Variants in NBEA observed in about 807,000 individuals in gnomAD.
NBEA encodes neurobeachin.
Under a neutral mutation model 343.4 loss-of-function variants are expected in NBEA, and 44 were observed. The observed-to-expected ratio is 0.13, with a 90% confidence interval of 0.10 to 0.16. NBEA has a LOEUF of 0.16. Among genes scored for constraint, NBEA ranks in the 10% least tolerant of loss-of-function variants. The pLI is 1.00. For synonymous variants in NBEA, 1,175 were observed against 1,238.7 expected (o/e 0.95, Z 1.08); for missense variants, 2,555 against 3,631.3 (o/e 0.70, Z 7.62).
intron 1 of NBEA, among the ~76,000 whole-genome samples, chr13:34,995,333 T>G (rs2060901710): frequency 1.3e-5 from 2 of 151,710 alleles, no homozygotes; most frequent in African/African-American, 4.8e-5. Flanking sequence ...GGCATGCACC[T>G]GTAGTCCCAG....
At chr13:34,972,829 T>C (rs958498808) in intron 1 of NBEA, among the ~76,000 whole-genome samples, 2 of 152,172 alleles carry the variant, frequency 1.3e-5, no homozygotes, top group Admixed American at 6.5e-5. Context: ...TGAATTCTAC[T>C]TCTGCCCTTT....
At chr13:35,282,067 C>T (rs1428770656) in intron 34 of NBEA, among the ~76,000 whole-genome samples, 1 of 151,532 alleles carries the variant, frequency 6.6e-6, no homozygotes, top group Non-Finnish European at 1.5e-5. Context: ...CGCCTGCTAC[C>T]ACGCCCGGCT....
At chr13:35,301,980 G>T (rs1204662087) in intron 35 of NBEA, among the ~76,000 whole-genome samples, 1 of 152,052 alleles carries the variant, frequency 6.6e-6, no homozygotes, top group African/African-American at 2.4e-5. Context: ...TCTAGTTTTA[G>T]TGCTGTCTGT....
chr13:35,585,057 A>G (rs1027024614), intron 46 of NBEA, among the ~76,000 whole-genome samples: 1 of 145,794 alleles, frequency 6.9e-6, no homozygotes, highest in Non-Finnish European at 1.5e-5. Context: ...CCAGTTTCCA[A>G]ATGTTTTGAA....
intron 34 of NBEA, among the ~76,000 whole-genome samples, chr13:35,257,393 T>C (rs941861158): frequency 2.6e-5 from 4 of 152,228 alleles, no homozygotes; most frequent in African/African-American, 9.6e-5. Context: ...TTAATTTCTG[T>C]ACTACTCCTG....
intron 33 of NBEA, among the ~76,000 whole-genome samples, chr13:35,223,214 C>G (rs555841861): frequency 6.6e-6 from 1 of 152,006 alleles, no homozygotes. Context: ...AAAATAAATG[C>G]ATTTTATAGA....
At chr13:35,408,814 G>T (rs1168072329) in intron 38 of NBEA, among the ~76,000 whole-genome samples, 2 of 152,092 alleles carry the variant, frequency 1.3e-5, no homozygotes, top group African/African-American at 4.8e-5. Flanking sequence ...TCTCACACCC[G>T]TCAGAATATG....
At chr13:34,992,412 G>C (rs1467805605) in intron 1 of NBEA, among the ~76,000 whole-genome samples, 2 of 149,606 alleles carry the variant, frequency 1.3e-5, no homozygotes, top group African/African-American at 4.9e-5. Context: ...ATGCCACCAT[G>C]CCTGGCTACT....
chr13:35,434,393 G>T (rs565331381), intron 39 of NBEA, among the ~76,000 whole-genome samples: 1 of 152,104 alleles, frequency 6.6e-6, no homozygotes, highest in Non-Finnish European at 1.5e-5. Context: ...CATAAGCAAC[G>T]TTCAGAACCC....
intron 38 of NBEA, among the ~76,000 whole-genome samples, chr13:35,399,941 G>A (rs2042918256): frequency 6.6e-6 from 1 of 152,050 alleles, no homozygotes; most frequent in African/African-American, 2.4e-5. Flanking sequence ...ACCAGTTGGT[G>A]TAGCAGTCAG....
chr13:35,418,202 A>G lies in NBEA; in HGVS notation c.6180-14067A>G, dbSNP rs374528389. Among the ~76,000 whole-genome samples the G allele has an allele frequency of 5.3e-5, 8 of 152,214 alleles. No individual in the cohort carries two copies. The East Asian group carries it at 1.2e-3, about 22-fold the overall frequency. On this transcript the variant is annotated intron_variant, in intron 38 of 58. Coordinates refer to ENST00000379939, the MANE Select transcript of NBEA (RefSeq NM_001385012.1). ...GTCTTGACTGTTTATCCAGTTTGCC[A>G]GTCTGTGTCTTTTAATTGGAACATT...
At chr13:35,287,183 G>C (rs990423210) in intron 34 of NBEA, among the ~76,000 whole-genome samples, 2 of 151,990 alleles carry the variant, frequency 1.3e-5, no homozygotes, top group African/African-American at 4.8e-5. Context: ...ATGGCTTGCA[G>C]TACTGAATCA....
intron 41 of NBEA, among the ~76,000 whole-genome samples, chr13:35,488,677 GTAAA>G (rs1328347916): frequency 2.6e-5 from 4 of 151,908 alleles, no homozygotes; most frequent in African/African-American, 4.8e-5. Context: ...ATGAGCAGAG[GTAAA>G]TACTTTTAAA....
chr13:35,118,309 CT>C lies in NBEA; in HGVS notation c.2145+23del, dbSNP rs1157219134. 1 of 1,563,196 alleles carries C rather than the reference CT, an allele frequency of 6.4e-7. No individual in the cohort carries two copies. Among genetic ancestry groups the C allele is most frequent in the Non-Finnish European group, 8.7e-7 (1 of 1,151,916 alleles). ...GCATGAGGTAGGACATGTTATGGGC[CT>C]TTTATTTTAATTATTTAAGCCAATC... On this transcript the variant is annotated intron_variant, in intron 15 of 58. Coordinates refer to ENST00000379939, the MANE Select transcript of NBEA (RefSeq NM_001385012.1).
chr13:35,390,266 C>A (rs1295288082), intron 38 of NBEA, among the ~76,000 whole-genome samples: 1 of 151,986 alleles, frequency 6.6e-6, no homozygotes, highest in East Asian at 1.9e-4. Context: ...ATGCAGTTGA[C>A]ACTCAGGGTA....
intron 1 of NBEA, among the ~76,000 whole-genome samples, chr13:35,024,058 C>T (rs1282483236): frequency 6.6e-6 from 1 of 152,150 alleles, no homozygotes; most frequent in Non-Finnish European, 1.5e-5. Context: ...CTCCCACTTA[C>T]AGGTTACTTC....
intron 51 of NBEA, among the ~76,000 whole-genome samples, chr13:35,647,801 G>A (rs566459442): frequency 1.6e-4 from 24 of 152,162 alleles, no homozygotes; most frequent in African/African-American, 4.8e-4. Flanking sequence ...TCCTGACCTC[G>A]TGATCTGCCT....
chr13:35,192,449 A>G (rs2072271718), intron 30 of NBEA, among the ~76,000 whole-genome samples: 1 of 152,002 alleles, frequency 6.6e-6, no homozygotes, highest in Non-Finnish European at 1.5e-5. Context: ...TGTATGCTTT[A>G]CAAAACATAT....
chr13:35,088,464 C>CTA (rs1367893973), intron 10 of NBEA, among the ~76,000 whole-genome samples: 1 of 151,762 alleles, frequency 6.6e-6, no homozygotes, highest in East Asian at 1.9e-4. Flanking sequence ...ATTTCTCAAA[C>CTA]TATATGGTCT....
Sources: gnomAD v4.1 joint callset for allele counts (sites outside exome capture counted in the v4.1 genomes callset) on GRCh38, gnomAD v4.1.1 for gene constraint, MANE v1.5 for transcripts, NCBI Gene and HGNC (gene_info 2026-07-23, HGNC 2026-07-21) for gene names.